The following NME6 variants were observed in gnomAD, a reference collection of about 807,000 sequenced individuals.
The protein encoded by NME6 is nucleoside diphosphate kinase 6, mitochondrial.
In NME6, 16 loss-of-function variants were observed where a neutral mutation model predicts 22.2. The observed-to-expected ratio is 0.72, with a 90% CI of 0.49 to 1.09. The LOEUF (loss-of-function observed/expected upper bound fraction) is 1.09. Among genes scored for constraint, NME6 ranks in the 50% least tolerant of loss-of-function variants. NME6 has a pLI of 0.00. For synonymous variants in NME6, 58 were observed against 85.2 expected (o/e 0.68, Z 1.76); for missense variants, 229 against 239.0 (o/e 0.96, Z 0.28).
intron 1 of NME6, 58 bp from the exon 2 acceptor site, chr3:48,298,581 C>T (rs1472830670): frequency 1.5e-6 from 2 of 1,302,608 alleles, no homozygotes; most frequent in African/African-American, 1.5e-5. Context: ...GCCTTCCCTA[C>T]ATTGGAGCCA....
chr3:48,288,437 GTA>G (rs1411996045), downstream of NME6: 1 of 151,986 alleles, frequency 6.6e-6, no homozygotes, highest in Non-Finnish European at 1.5e-5. Flanking sequence ...AAAGATTAGA[GTA>G]TGGATACTAT....
In NME6 at chr3:48,294,756, A is replaced by G; in HGVS notation, c.442T>C (p.Phe148Leu). 1 of 1,614,150 alleles carries G rather than the reference A, an allele frequency of 6.2e-7. No homozygotes were observed. The highest frequency in any genetic ancestry group is 8.5e-7 in the Non-Finnish European group (1 of 1,180,018). ...TCCTCATACCAGCGCTGTTCACTGA[A>G]GTCAGGGAAGAAGGCTGCAATCTCT... ...SREIAAFFPDFSEQRWYEEEE... is the reference protein window; with the variant it reads ...SREIAAFFPDLSEQRWYEEEE... The change falls in exon 6 of 6, where the codon TTC becomes CTC. Residue 148 changes from phenylalanine (F) to leucine (L), a missense_variant. By Grantham distance (22) the Phe-to-Leu change is conservative. Coordinates refer to ENST00000442597, the MANE Select transcript of NME6 (RefSeq NM_001308426.2).
chr3:48,294,933 A>C (rs954521932), intron 5 of NME6, 130 bp from the exon 6 acceptor site: 1 of 1,399,300 alleles, frequency 7.1e-7, no homozygotes, highest in African/African-American at 1.4e-5. Flanking sequence ...AAGAAAGTCC[A>C]CAGGCCACAT....
intron 5 of NME6, 29 bp from the exon 6 acceptor site, chr3:48,294,832 G>A (rs1254507393): frequency 1.2e-6 from 2 of 1,605,178 alleles, no homozygotes; most frequent in African/African-American, 1.3e-5. Context: ...CAGAGAAGGG[G>A]TTCTCACATG....
chr3:48,300,316 C>T (rs974505849), intron 1 of NME6: 5 of 456,682 alleles, frequency 1.1e-5, no homozygotes, highest in Non-Finnish European at 1.8e-5. Context: ...CCTTAAGTTT[C>T]TCTAGCTCCA....
downstream of NME6, among the ~76,000 whole-genome samples, chr3:48,287,806 A>G (rs1413463354): frequency 1.3e-5 from 2 of 152,184 alleles, no homozygotes; most frequent in Non-Finnish European, 2.9e-5. Flanking sequence ...AGCAGAGTAC[A>G]TAAGCACAGA....
downstream of NME6, chr3:48,291,191 G>T: frequency 5.9e-6 from 2 of 337,646 alleles, no homozygotes; most frequent in South Asian, 5.2e-5. Context: ...TGGTAAGGTG[G>T]ACCCAGCTGT....
At position 48,298,500 on chromosome 3, in the gene NME6, C is replaced by G. The variant is rs749006710; in HGVS notation, c.17G>C (p.Arg6Pro). 2 of 1,608,454 alleles carry G rather than the reference C, an allele frequency of 1.2e-6. No homozygotes were observed. Among genetic ancestry groups the G allele is most frequent in the East Asian group, 4.5e-5 (2 of 44,754 alleles). The change falls in exon 2 of 6, where the codon CGA (arginine) becomes CCA (proline). Residue 6 changes from arginine (R) to proline (P), a missense_variant. Transcript: ENST00000442597. MASIL[R>P]SPQALQLTLA... ...AGTGAGCTGGAGAGCCTGAGGGCTT[C>G]GCAAGATTGAGGCCATCTCACTCCT...
intron 1 of NME6, chr3:48,298,986 T>C (rs1177287886): frequency 4.3e-6 from 3 of 702,930 alleles, no homozygotes; most frequent in Non-Finnish European, 7.8e-6. Flanking sequence ...ATTGGAAGAT[T>C]GATGGACAGC....
chr3:48,298,494 G>T lies in NME6; in HGVS notation c.23C>A (p.Pro8His). MASILRS[P>H]QALQLTLALI... ...GGCTAGAGTGAGCTGGAGAGCCTGAGGGCTTCGCAAGATTGAGGCCATCTC... is the reference window on the plus strand; with the variant it reads ...GGCTAGAGTGAGCTGGAGAGCCTGATGGCTTCGCAAGATTGAGGCCATCTC... The change falls in exon 2 of 6, where the codon CCT becomes CAT. Residue 8 changes from proline (P) to histidine (H), a missense_variant. Coordinates refer to ENST00000442597, the MANE Select transcript of NME6 (RefSeq NM_001308426.2). The T allele has an allele frequency of 2.5e-6, 4 of 1,610,550 alleles. No homozygotes were observed. Among genetic ancestry groups the T allele is most frequent in the Non-Finnish European group, 2.5e-6 (3 of 1,178,440 alleles).
intron 2 of NME6, 140 bp from the exon 3 acceptor site, chr3:48,296,969 G>A (rs1022272491): frequency 3.2e-6 from 2 of 629,930 alleles, no homozygotes; most frequent in Non-Finnish European, 5.6e-6. Flanking sequence ...GTGAGGTGAA[G>A]ACCTTCAGTC....
At chr3:48,296,877 C>T (rs1413578573) in intron 2 of NME6, 48 bp from the exon 3 acceptor site, 1 of 1,447,530 alleles carries the variant, frequency 6.9e-7, no homozygotes, top group South Asian at 1.2e-5. Flanking sequence ...GAGACTGAAA[C>T]TGACCAAAAG....
chr3:48,298,913 T>C (rs2035415994), intron 1 of NME6: 1 of 702,138 alleles, frequency 1.4e-6, no homozygotes, highest in South Asian at 1.5e-5. Flanking sequence ...CAAGGCCTAT[T>C]CATAATGATG....
rs145585762 is a variant in NME6 at position 48,293,469 on chromosome 3, C to T, written c.*1168G>A. ...TCACAGGTTTCTTAGGTCACACATACAAAACTGACCCATATATTCCTGAAA... is the reference window on the plus strand; with the variant it reads ...TCACAGGTTTCTTAGGTCACACATATAAAACTGACCCATATATTCCTGAAA... On this transcript the variant is annotated 3_prime_UTR_variant, in exon 6 of 6. Transcript: ENST00000442597. 6.6e-6 allele frequency: 1 copy of T among 152,334 alleles called. No homozygotes were observed. The highest frequency in any genetic ancestry group is 1.9e-4 in the East Asian group (1 of 5,184). 9.4% of individuals were successfully genotyped at this position (152,334 alleles called of 1,614,324 possible).
At position 48,294,706 on chromosome 3, in the gene NME6, G is replaced by A. The variant is rs142575611; in HGVS notation, c.492C>T (p.Gly164=). The A allele has an allele frequency of 2.8e-4, 447 of 1,614,046 alleles. 1 individual carries two copies. Among genetic ancestry groups the A allele is most frequent in the Non-Finnish European group, 3.7e-4 (440 of 1,180,022 alleles). ...CTCCCTCTGGGCTATAGCACACAGG[G>A]CCACAGCGCAACTGGGGCTCTTCCT... ...YEEEEPQLRC[G]PVCYSPEGGV... is the part of the protein sequence containing the mutation. Residue 164 remains glycine, a synonymous_variant, in exon 6 of 6, where the codon GGC becomes GGT. Coordinates refer to ENST00000442597, the MANE Select transcript of NME6 (RefSeq NM_001308426.2).
chr3:48,290,963 A>G, downstream of NME6: 1 of 290,510 alleles, frequency 3.4e-6, no homozygotes, highest in Non-Finnish European at 6.8e-6. Context: ...AGTCATCTGC[A>G]TAGATTCCTT....
At position 48,298,425 on chromosome 3, in the gene NME6, A is replaced by C; in HGVS notation, c.90+2T>G. The C allele has an allele frequency of 6.2e-7, 1 of 1,613,462 alleles. No homozygotes were observed. Among genetic ancestry groups the C allele is most frequent in the South Asian group, 1.1e-5 (1 of 91,064 alleles). ...CGGTAGAGACTTAGGATTCATTCTT[A>C]CCTCCAGAATCAGTGGATGGGCGAC... On this transcript the variant is annotated splice_donor_variant, in intron 2 of 5. Transcript: ENST00000442597. LOFTEE classifies it high-confidence loss of function.
At chr3:48,295,653 T>C (rs1461931807) in intron 4 of NME6, 2 of 240,902 alleles carry the variant, frequency 8.3e-6, no homozygotes, top group Non-Finnish European at 1.6e-5. Context: ...GTGATTCTCC[T>C]GCCTCAGCTT....
chr3:48,297,181 C>T (rs947795690), intron 2 of NME6, among the ~76,000 whole-genome samples: 5 of 152,200 alleles, frequency 3.3e-5, no homozygotes, highest in East Asian at 1.9e-4. Flanking sequence ...ATAATTGACA[C>T]GTCACACTCT....
Sources: allele counts gnomAD v4.1 joint callset (sites outside exome capture counted in the v4.1 genomes callset), GRCh38; gene constraint gnomAD v4.1.1; transcripts MANE v1.5; gene names NCBI Gene and HGNC (gene_info 2026-07-23, HGNC 2026-07-21).